The following TRAPPC9 variants were observed in gnomAD, a reference collection of about 807,000 sequenced individuals.
TRAPPC9 encodes IKK2 binding protein.
TRAPPC9 carries 83 observed loss-of-function variants against 124.0 expected under a neutral mutation model. That is an observed-to-expected ratio of 0.67 (90% CI 0.56 to 0.80). TRAPPC9 has a LOEUF of 0.80. Ranked by LOEUF, TRAPPC9 falls within the 30% of genes least tolerant of loss-of-function variation. The probability of loss-of-function intolerance (pLI) is 0.00; values close to 1 mark genes in which losing one functional copy is unlikely to be tolerated. For synonymous variants in TRAPPC9, 638 were observed against 617.5 expected, an observed-to-expected ratio of 1.03 and a Z score of -0.49; for missense variants, 1,302 against 1,508.3, an observed-to-expected ratio of 0.86 and a Z score of 2.27.
rs566222384 is a variant in TRAPPC9, at chr8:139,833,497, C to T, written c.3055+52382G>A. Among the ~76,000 whole-genome samples the T allele has an allele frequency of 2.2e-3, 340 of 152,304 alleles. 2 individuals carry two copies. The highest frequency in any genetic ancestry group is 7.7e-3 in the African/African-American group (319 of 41,572). Reference sequence around the variant, plus strand: ...TGGAAGGAGCTGGTCACGAAGAATCCGGCCACGGCACCTGGCTGACTTCAG... The same window carrying T: ...TGGAAGGAGCTGGTCACGAAGAATCTGGCCACGGCACCTGGCTGACTTCAG... On this transcript the variant is annotated intron_variant, in intron 21 of 22. Transcript: ENST00000438773.
intron 17 of TRAPPC9, among the ~76,000 whole-genome samples, chr8:140,073,864 T>A (rs1843339513): frequency 6.6e-6 from 1 of 152,162 alleles, no homozygotes; most frequent in Non-Finnish European, 1.5e-5. Flanking sequence ...ACGTTTAAAA[T>A]TTTCCCTAGT....
At chr8:140,431,116 A>T (rs1384060591) in intron 4 of TRAPPC9, among the ~76,000 whole-genome samples, 1 of 152,148 alleles carries the variant, frequency 6.6e-6, no homozygotes, top group African/African-American at 2.4e-5. Flanking sequence ...ATGGCTACAT[A>T]ACGGCCATGT....
At chr8:139,782,945 C>A (rs932214784) in intron 21 of TRAPPC9, among the ~76,000 whole-genome samples, 2 of 152,018 alleles carry the variant, frequency 1.3e-5, no homozygotes, top group African/African-American at 2.4e-5. Context: ...TTCCAAATAA[C>A]CCTCAGGTCA....
chr8:140,227,416 T>C (rs1344014228), intron 16 of TRAPPC9, among the ~76,000 whole-genome samples: 3 of 152,102 alleles, frequency 2.0e-5, no homozygotes, highest in Non-Finnish European at 4.4e-5. Context: ...CTAAAGAGTT[T>C]AGTGGATTTA....
intron 8 of TRAPPC9, among the ~76,000 whole-genome samples, chr8:140,363,757 C>T (rs1281583380): frequency 6.6e-6 from 1 of 152,104 alleles, no homozygotes; most frequent in Non-Finnish European, 1.5e-5. Context: ...ACCACCATGC[C>T]TGGCTAATTT....
chr8:139,882,161 T>C (rs1001363427), intron 21 of TRAPPC9, among the ~76,000 whole-genome samples: 1 of 152,230 alleles, frequency 6.6e-6, no homozygotes, highest in African/African-American at 2.4e-5. Context: ...AAAACAGAAG[T>C]GATTATAATA....
chr8:139,887,009 C>T (rs1420205463), intron 20 of TRAPPC9, among the ~76,000 whole-genome samples: 4 of 152,108 alleles, frequency 2.6e-5, no homozygotes, highest in African/African-American at 4.8e-5. Flanking sequence ...ATGGGGGAGT[C>T]GGGCTCAGAG....
chr8:140,019,420 C>A (rs1000830788), intron 18 of TRAPPC9, among the ~76,000 whole-genome samples: 7 of 151,912 alleles, frequency 4.6e-5, no homozygotes, highest in Non-Finnish European at 8.8e-5. Flanking sequence ...CAGAGTAGAG[C>A]CATCTGGGCC....
At chr8:139,899,477 C>A (rs1040576877) in intron 20 of TRAPPC9, among the ~76,000 whole-genome samples, 1 of 152,154 alleles carries the variant, frequency 6.6e-6, no homozygotes, top group African/African-American at 2.4e-5. Context: ...CTTATCTTCA[C>A]GTTGCGTAGG....
chr8:139,790,278 G>A (rs1049525716), intron 21 of TRAPPC9, among the ~76,000 whole-genome samples: 2 of 152,234 alleles, frequency 1.3e-5, no homozygotes, highest in East Asian at 1.9e-4. Flanking sequence ...TGCCGCTGAC[G>A]CAGAGAGCTC....
At chr8:140,124,255 G>A (rs996737583) in intron 17 of TRAPPC9, among the ~76,000 whole-genome samples, 1 of 152,180 alleles carries the variant, frequency 6.6e-6, no homozygotes, top group Non-Finnish European at 1.5e-5. Context: ...TAGGGTGCAG[G>A]GGGGGCTCTG....
intron 9 of TRAPPC9, among the ~76,000 whole-genome samples, chr8:140,335,539 C>G (rs7835808): frequency 1.3e-5 from 2 of 151,736 alleles, no homozygotes. Context: ...ATATGGTAAC[C>G]GCAGGATCCT....
intron 15 of TRAPPC9, among the ~76,000 whole-genome samples, chr8:140,261,051 C>T (rs771185150): frequency 6.6e-6 from 1 of 152,224 alleles, no homozygotes; most frequent in Non-Finnish European, 1.5e-5. Flanking sequence ...GTCACATGTC[C>T]TCTGTCATCC....
At chr8:140,206,760 T>C (rs1011264791) in intron 17 of TRAPPC9, among the ~76,000 whole-genome samples, 2 of 151,360 alleles carry the variant, frequency 1.3e-5, no homozygotes, top group African/African-American at 2.4e-5. Context: ...TACATACATA[T>C]ATATATATAT....
intron 9 of TRAPPC9, among the ~76,000 whole-genome samples, chr8:140,321,750 G>T (rs1382684363): frequency 6.6e-6 from 1 of 152,208 alleles, no homozygotes; most frequent in Non-Finnish European, 1.5e-5. Context: ...CCTCCTGCAG[G>T]CTTTTGCAGA....
At chr8:139,799,735 T>C (rs1257024397) in intron 21 of TRAPPC9, among the ~76,000 whole-genome samples, 1 of 152,210 alleles carries the variant, frequency 6.6e-6, no homozygotes, top group East Asian at 1.9e-4. Flanking sequence ...AAGAATGTCC[T>C]ACCCCGGCCT....
At chr8:140,320,363 G>A (rs1011933179) in intron 9 of TRAPPC9, among the ~76,000 whole-genome samples, 5 of 152,208 alleles carry the variant, frequency 3.3e-5, no homozygotes, top group African/African-American at 1.2e-4. Flanking sequence ...CTATGTTGAA[G>A]GACATGACCT....
At chr8:140,421,605 C>A (rs1400686814) in intron 5 of TRAPPC9, among the ~76,000 whole-genome samples, 1 of 152,132 alleles carries the variant, frequency 6.6e-6, no homozygotes, top group Non-Finnish European at 1.5e-5. Flanking sequence ...TGAAGACCGC[C>A]ATACTCTAGC....
rs547023294 is a variant in TRAPPC9 at position 139,914,606 on chromosome 8, C to T, written c.2811-4306G>A. 1.1e-4 allele frequency among the ~76,000 whole-genome samples: 16 copies of T among 152,280 alleles called. No homozygotes were observed. The South Asian group carries it at 2.3e-3, about 22-fold the overall frequency. ...TCTGTGGAATGCAGTCAGTGCCACC[C>T]GCACCTAACAGCTGGGAGGGTTTGC... On this transcript the variant is annotated intron_variant, in intron 19 of 22. Transcript: ENST00000438773.
Sources: allele counts gnomAD v4.1 joint callset (sites outside exome capture counted in the v4.1 genomes callset), GRCh38; gene constraint gnomAD v4.1.1; transcripts MANE v1.5; gene names NCBI Gene and HGNC (gene_info 2026-07-23, HGNC 2026-07-21).